The following GALNTL6 variants were observed in gnomAD, a reference collection of about 807,000 sequenced individuals.
GALNTL6 encodes the protein polypeptide N-acetylgalactosaminyltransferase like 6.
Under a neutral mutation model 73.7 loss-of-function variants are expected in GALNTL6, and 46 were observed. The observed-to-expected ratio is 0.62, with a 90% CI of 0.49 to 0.80. The LOEUF (loss-of-function observed/expected upper bound fraction) is 0.80. GALNTL6 is among the 30% of genes least tolerant of loss of function. The pLI, the probability that GALNTL6 is intolerant of heterozygous loss-of-function variation, is 0.00. For missense variants in GALNTL6, 604 were observed against 755.0 expected (o/e 0.80, Z 2.34); for synonymous variants, 259 against 263.7 (o/e 0.98, Z 0.17).
intron 2 of GALNTL6, among the ~76,000 whole-genome samples, chr4:171,823,886 A>G (rs902914954): frequency 2.0e-5 from 3 of 150,994 alleles, no homozygotes; most frequent in Non-Finnish European, 4.4e-5. Flanking sequence ...TATTGCAACT[A>G]ATATCCAGTT....
intron 5 of GALNTL6, among the ~76,000 whole-genome samples, chr4:172,522,919 A>C (rs1430434980): frequency 1.3e-5 from 2 of 152,170 alleles, no homozygotes; most frequent in Non-Finnish European, 2.9e-5. Flanking sequence ...GGTCAGGAAA[A>C]TGATCACAGT....
intron 7 of GALNTL6, among the ~76,000 whole-genome samples, chr4:172,847,099 C>T (rs561139837): frequency 2.0e-5 from 3 of 152,170 alleles, no homozygotes; most frequent in South Asian, 2.1e-4. Context: ...AATAAAAAAG[C>T]GATTACATTT....
chr4:172,690,400 T>C (rs1733196879), intron 5 of GALNTL6, among the ~76,000 whole-genome samples: 1 of 152,198 alleles, frequency 6.6e-6, no homozygotes, highest in South Asian at 2.1e-4. Context: ...TCACACTGGA[T>C]CAGGCCCAGT....
rs114520126 is a variant in GALNTL6, at chr4:172,232,317, T to A, written c.247+2553T>A. ...GTAAGTTTTGCCAGTGTTTGAACTT[T>A]ATCTAAAAATTTAATTTTACTGTAT... is the stretch of plus-strand genomic sequence containing the variant. On this transcript the variant is annotated intron_variant, in intron 3 of 12. Coordinates refer to ENST00000506823, the MANE Select transcript of GALNTL6 (RefSeq NM_001034845.3). 2.6e-3 allele frequency among the ~76,000 whole-genome samples: 396 copies of A among 152,300 alleles called. 2 individuals carry two copies. The highest frequency in any genetic ancestry group is 9.2e-3 in the African/African-American group (384 of 41,588).
chr4:172,879,657 C>T (rs1291542307), intron 7 of GALNTL6, among the ~76,000 whole-genome samples: 1 of 151,734 alleles, frequency 6.6e-6, no homozygotes, highest in Non-Finnish European at 1.5e-5. Flanking sequence ...GTACTAAACA[C>T]CTATATTAGA....
intron 2 of GALNTL6, among the ~76,000 whole-genome samples, chr4:172,227,983 T>C (rs1209315128): frequency 1.3e-5 from 2 of 152,166 alleles, no homozygotes; most frequent in Admixed American, 6.5e-5. Flanking sequence ...TCTAAATCAG[T>C]GTAGGAGATT....
chr4:172,679,182 T>C (rs112082472), intron 5 of GALNTL6, among the ~76,000 whole-genome samples: 2,822 of 152,148 alleles, frequency 0.019, 81 homozygotes, highest in African/African-American at 0.063. Context: ...GAGGCCAAGG[T>C]GGGCAGATCG....
At chr4:172,749,556 A>T (rs1391896188) in intron 5 of GALNTL6, among the ~76,000 whole-genome samples, 1 of 152,072 alleles carries the variant, frequency 6.6e-6, no homozygotes, top group Non-Finnish European at 1.5e-5. Flanking sequence ...CTGTTTTTAA[A>T]ATTACTACAT....
intron 5 of GALNTL6, among the ~76,000 whole-genome samples, chr4:172,378,944 A>G (rs1021547269): frequency 6.6e-6 from 1 of 152,318 alleles, no homozygotes; most frequent in Admixed American, 6.5e-5. Context: ...AATAAGTCTA[A>G]GATATATATT....
At chr4:172,955,735 A>T (rs535010157) in intron 10 of GALNTL6, among the ~76,000 whole-genome samples, 1 of 152,224 alleles carries the variant, frequency 6.6e-6, no homozygotes, top group South Asian at 2.1e-4. Flanking sequence ...ACCTGAGTGC[A>T]AGTGGGCTGA....
intron 2 of GALNTL6, among the ~76,000 whole-genome samples, chr4:172,122,478 C>A (rs754652057): frequency 5.9e-5 from 9 of 152,170 alleles, no homozygotes; most frequent in Non-Finnish European, 1.0e-4. Context: ...AGGCACGAAA[C>A]TTACCTCTTA....
At chr4:172,850,839 A>G (rs1190703773) in intron 7 of GALNTL6, among the ~76,000 whole-genome samples, 3 of 152,184 alleles carry the variant, frequency 2.0e-5, no homozygotes, top group Non-Finnish European at 4.4e-5. Context: ...ATCATAAAGG[A>G]TATTACAAAG....
At chr4:172,714,145 T>C (rs922988598) in intron 5 of GALNTL6, among the ~76,000 whole-genome samples, 3 of 152,280 alleles carry the variant, frequency 2.0e-5, no homozygotes, top group African/African-American at 7.2e-5. Context: ...GAAAGGGATA[T>C]TATTGTTTTT....
intron 5 of GALNTL6, among the ~76,000 whole-genome samples, chr4:172,469,079 G>A (rs942523075): frequency 5.3e-5 from 8 of 152,170 alleles, no homozygotes; most frequent in Non-Finnish European, 7.4e-5. Flanking sequence ...TCCTGACAGA[G>A]CATGGGACCC....
chr4:172,775,395 C>T (rs1371231447), intron 5 of GALNTL6, among the ~76,000 whole-genome samples: 1 of 152,136 alleles, frequency 6.6e-6, no homozygotes, highest in Non-Finnish European at 1.5e-5. Flanking sequence ...ATTTTGAGAC[C>T]AGCTTCCTCT....
At chr4:172,401,176 T>C (rs1445118084) in intron 5 of GALNTL6, among the ~76,000 whole-genome samples, 1 of 152,098 alleles carries the variant, frequency 6.6e-6, no homozygotes, top group Non-Finnish European at 1.5e-5. Context: ...CAATAAATCA[T>C]ATATGAAACA....
chr4:172,795,976 A>T (rs1740239187), intron 5 of GALNTL6, among the ~76,000 whole-genome samples: 1 of 151,394 alleles, frequency 6.6e-6, no homozygotes, highest in African/African-American at 2.4e-5. Flanking sequence ...ATACCATGGA[A>T]ATTTTCAATG....
At chr4:172,991,812 C>A (rs1021949670) in intron 10 of GALNTL6, among the ~76,000 whole-genome samples, 1 of 152,100 alleles carries the variant, frequency 6.6e-6, no homozygotes, top group Non-Finnish European at 1.5e-5. Context: ...TTTATAATTT[C>A]TTGTTAAAAA....
intron 2 of GALNTL6, among the ~76,000 whole-genome samples, chr4:171,890,662 C>T (rs720724): frequency 0.54 from 81,352 of 151,478 alleles, 23,197 homozygotes; most frequent in African/African-American, 0.75. Context: ...AAGCATTATA[C>T]TTGTAGTTAC....
Sources: allele counts gnomAD v4.1 joint callset (sites outside exome capture counted in the v4.1 genomes callset), GRCh38; gene constraint gnomAD v4.1.1; transcripts MANE v1.5; gene names NCBI Gene and HGNC (gene_info 2026-07-23, HGNC 2026-07-21).